The following CTNNA2 variants were observed in gnomAD, a reference collection of about 807,000 sequenced individuals.
The protein encoded by CTNNA2 is catenin alpha-2.
In CTNNA2, 42 loss-of-function variants were observed where a neutral mutation model predicts 101.0. That is an observed-to-expected ratio of 0.42 (90% confidence interval 0.32 to 0.54). CTNNA2 has a LOEUF of 0.54. CTNNA2 is among the 20% of genes least tolerant of loss of function. The pLI is 0.14. For synonymous variants in CTNNA2, 450 were observed against 456.4 expected (o/e 0.99, Z 0.18); for missense variants, 871 against 1,223.1 (o/e 0.71, Z 4.29).
intron 2 of CTNNA2, among the ~76,000 whole-genome samples, chr2:79,253,947 C>T (rs927815775): frequency 6.6e-5 from 10 of 152,242 alleles, no homozygotes; most frequent in African/African-American, 2.4e-4. Flanking sequence ...GGGAGAATGA[C>T]TGGGACCAAG....
chr2:79,942,381 G>T (rs901073868), intron 7 of CTNNA2, among the ~76,000 whole-genome samples: 1 of 152,164 alleles, frequency 6.6e-6, no homozygotes, highest in Admixed American at 6.5e-5. Flanking sequence ...TGCCCATCAT[G>T]CCTCTCTTGG....
intron 6 of CTNNA2, among the ~76,000 whole-genome samples, chr2:79,908,343 A>G (rs1416412105): frequency 3.3e-5 from 5 of 152,188 alleles, no homozygotes. Flanking sequence ...AGGAACGTCA[A>G]AAGAAGCAGT....
intron 7 of CTNNA2, among the ~76,000 whole-genome samples, chr2:80,032,707 T>G (rs1042768194): frequency 3.3e-5 from 5 of 152,222 alleles, no homozygotes; most frequent in Non-Finnish European, 7.3e-5. Context: ...GAAGATTTAA[T>G]GATAGAAAAA....
chr2:80,149,254 G>A (rs1475613667), intron 7 of CTNNA2, among the ~76,000 whole-genome samples: 1 of 152,030 alleles, frequency 6.6e-6, no homozygotes, highest in African/African-American at 2.4e-5. Context: ...GCGCAGGCTG[G>A]TCTTGAACTC....
chr2:80,146,998 C>G (rs112561331), intron 7 of CTNNA2, among the ~76,000 whole-genome samples: 2,084 of 150,392 alleles, frequency 0.014, 65 homozygotes, highest in African/African-American at 0.046. Flanking sequence ...TAGAGACTCC[C>G]TCTATCACCC....
At chr2:80,618,172 C>G (rs190583968) in intron 17 of CTNNA2, among the ~76,000 whole-genome samples, 72 of 151,844 alleles carry the variant, frequency 4.7e-4, no homozygotes, top group East Asian at 3.5e-3. Context: ...TCTATGAAAA[C>G]TAGACTTGGT....
At chr2:79,393,906 C>A (rs1199667609) in intron 4 of CTNNA2, among the ~76,000 whole-genome samples, 1 of 152,144 alleles carries the variant, frequency 6.6e-6, no homozygotes, top group Non-Finnish European at 1.5e-5. Context: ...GCGCCACCTT[C>A]CCTGCTCAGG....
At chr2:80,360,829 C>T (rs753679775) in intron 7 of CTNNA2, among the ~76,000 whole-genome samples, 2 of 152,054 alleles carry the variant, frequency 1.3e-5, no homozygotes, top group African/African-American at 4.8e-5. Flanking sequence ...GAGATCTATG[C>T]AGAACCTGGA....
intron 7 of CTNNA2, among the ~76,000 whole-genome samples, chr2:79,920,640 C>T (rs1016233538): frequency 6.6e-6 from 1 of 152,190 alleles, no homozygotes. Flanking sequence ...TGCTCTACTA[C>T]CTGATAAAAC....
intron 2 of CTNNA2, among the ~76,000 whole-genome samples, chr2:79,243,343 C>T (rs948300174): frequency 2.0e-5 from 3 of 152,104 alleles, no homozygotes; most frequent in Non-Finnish European, 4.4e-5. Context: ...TCTTTCTAAA[C>T]AGTATGTTTT....
At position 80,124,288 on chromosome 2, in the gene CTNNA2, G is replaced by T. The variant is rs143846843; in HGVS notation, c.1056+214491G>T. Among the ~76,000 whole-genome samples the T allele has an allele frequency of 7.2e-5, 11 of 152,086 alleles. No homozygotes were observed. The East Asian group carries it at 1.9e-3, about 27-fold the overall frequency. ...TGATTGAAGTTATGCAGAGTATCTAGGCCCAGGTGCCATCTTTGACTCAGA... is the reference window on the plus strand; with the variant it reads ...TGATTGAAGTTATGCAGAGTATCTATGCCCAGGTGCCATCTTTGACTCAGA... On this transcript the variant is annotated intron_variant, in intron 7 of 18. Transcript: ENST00000402739.
intron 2 of CTNNA2, among the ~76,000 whole-genome samples, chr2:79,713,849 GC>G (rs1490481888): frequency 6.6e-6 from 1 of 152,132 alleles, no homozygotes; most frequent in Admixed American, 6.5e-5. Flanking sequence ...TATTACTTAC[GC>G]CCAAGGTGAA....
At chr2:80,428,052 G>A (rs1237624552) in intron 9 of CTNNA2, among the ~76,000 whole-genome samples, 1 of 152,200 alleles carries the variant, frequency 6.6e-6, no homozygotes, top group Non-Finnish European at 1.5e-5. Context: ...TCCCTTCTAA[G>A]ATGACTATTA....
chr2:80,364,255 A>G (rs1228534250), intron 7 of CTNNA2, among the ~76,000 whole-genome samples: 1 of 152,116 alleles, frequency 6.6e-6, no homozygotes, highest in Admixed American at 6.6e-5. Context: ...TGGAGAAAAA[A>G]GCTTTGGAAA....
chr2:79,403,353 T>A (rs1678309260), intron 4 of CTNNA2, among the ~76,000 whole-genome samples: 1 of 151,944 alleles, frequency 6.6e-6, no homozygotes, highest in Admixed American at 6.6e-5. Flanking sequence ...AACTAAACTG[T>A]TCAATACATA....
intron 18 of CTNNA2, among the ~76,000 whole-genome samples, chr2:80,645,556 C>CAAAG (rs1558676216): frequency 7.1e-6 from 1 of 141,434 alleles, no homozygotes; most frequent in African/African-American, 2.6e-5. Context: ...CTAGTTAAAA[C>CAAAG]AAAGATTGCA....
intron 1 of CTNNA2, among the ~76,000 whole-genome samples, chr2:79,630,193 C>T (rs1004510727): frequency 3.3e-5 from 5 of 150,330 alleles, no homozygotes; most frequent in Non-Finnish European, 7.3e-5. Context: ...CTCCTTCACT[C>T]ACCCAGGTGC....
At chr2:80,637,103 A>C (rs1265954665) in intron 18 of CTNNA2, among the ~76,000 whole-genome samples, 2 of 152,176 alleles carry the variant, frequency 1.3e-5, no homozygotes, top group East Asian at 3.9e-4. Flanking sequence ...AAACTTTGAA[A>C]GGAAAAGAAG....
intron 7 of CTNNA2, among the ~76,000 whole-genome samples, chr2:80,124,982 C>G (rs1250926661): frequency 2.0e-5 from 3 of 152,128 alleles, no homozygotes; most frequent in African/African-American, 7.2e-5. Context: ...ATGGCCTATT[C>G]AAGGGACAAT....
Sources: gnomAD v4.1 joint callset for allele counts (sites outside exome capture counted in the v4.1 genomes callset) on GRCh38, gnomAD v4.1.1 for gene constraint, MANE v1.5 for transcripts, NCBI Gene and HGNC (gene_info 2026-07-23, HGNC 2026-07-21) for gene names.